Variants in FAM135B observed in about 807,000 individuals in gnomAD.
FAM135B encodes the protein family with sequence similarity 135 member B.
Under a neutral mutation model 127.7 loss-of-function variants are expected in FAM135B, and 43 were observed. The observed-to-expected ratio is 0.34, with a 90% CI of 0.26 to 0.43. The LOEUF (loss-of-function observed/expected upper bound fraction) is 0.43, where lower values mean the gene tolerates loss of function less well. Among genes scored for constraint, FAM135B ranks in the 20% least tolerant of loss-of-function variants. The probability of loss-of-function intolerance (pLI) is 1.00; values close to 1 mark genes in which losing one functional copy is unlikely to be tolerated. For missense variants in FAM135B, 1,558 were observed against 1,725.6 expected, an observed-to-expected ratio of 0.90 and a Z score of 1.72; for synonymous variants, 670 against 665.1, an observed-to-expected ratio of 1.01 and a Z score of -0.11.
intron 1 of FAM135B, among the ~76,000 whole-genome samples, chr8:138,428,712 G>A (rs1835035112): frequency 6.6e-6 from 1 of 152,122 alleles, no homozygotes; most frequent in Non-Finnish European, 1.5e-5. Context: ...ACATGTTCAT[G>A]AGTCTTAGTA....
rs528736762 is a variant in FAM135B, at chr8:138,324,796, G to A, written c.78-13876C>T. 5.9e-5 allele frequency among the ~76,000 whole-genome samples: 9 copies of A among 152,306 alleles called. No homozygotes were observed. In the South Asian group the frequency reaches 1.7e-3, roughly 28 times the overall value. ...CCCAAGAAATCTGATTTGTGAGTGT[G>A]TGCTCGTAACGACTATACAATACAC... On this transcript the variant is annotated intron_variant, in intron 2 of 19. Coordinates refer to ENST00000395297, the MANE Select transcript of FAM135B (RefSeq NM_015912.4).
At chr8:138,322,855 G>A (rs1440471132) in intron 2 of FAM135B, among the ~76,000 whole-genome samples, 2 of 152,184 alleles carry the variant, frequency 1.3e-5, no homozygotes, top group Non-Finnish European at 2.9e-5. Context: ...ACACTGTGAT[G>A]CGGAGGTGAA....
At chr8:138,174,283 C>T (rs1194745971) in intron 11 of FAM135B, among the ~76,000 whole-genome samples, 1 of 152,220 alleles carries the variant, frequency 6.6e-6, no homozygotes, top group Non-Finnish European at 1.5e-5. Context: ...CCTGTGCCGT[C>T]ACCTACATTG....
rs368627793 is a variant in FAM135B, at chr8:138,294,268, T to TA, written c.157+16572dup. ...GAGGAGAGTGGAAGGGGGTGAAAGA[T>TA]AAAAAATTGCACGCTGGGTACCATG... On this transcript the variant is annotated intron_variant, in intron 3 of 19. Transcript: ENST00000395297. 8.7e-4 allele frequency among the ~76,000 whole-genome samples: 132 copies of TA among 152,134 alleles called. No homozygotes were observed. The Middle Eastern group carries it at 0.01, about 12-fold the overall frequency.
intron 6 of FAM135B, 72 bp downstream of exon 6, chr8:138,250,769 C>T (rs1368216845): frequency 1.3e-6 from 2 of 1,551,930 alleles, no homozygotes; most frequent in Non-Finnish European, 1.8e-6. Context: ...TCCTGGAAAA[C>T]TCCCTGCCCC....
chr8:138,180,250 G>A (rs1462050568), intron 9 of FAM135B, among the ~76,000 whole-genome samples: 1 of 152,144 alleles, frequency 6.6e-6, no homozygotes, highest in Admixed American at 6.5e-5. Context: ...TTAATCCCAG[G>A]CACATGTTTA....
intron 2 of FAM135B, among the ~76,000 whole-genome samples, chr8:138,336,880 C>T (rs1398264187): frequency 6.6e-6 from 1 of 152,156 alleles, no homozygotes; most frequent in African/African-American, 2.4e-5. Context: ...CAAACCGAAT[C>T]CAGCAGCACA....
At chr8:138,363,556 G>A (rs1230670053) in intron 2 of FAM135B, among the ~76,000 whole-genome samples, 1 of 152,142 alleles carries the variant, frequency 6.6e-6, no homozygotes. Flanking sequence ...CTGGTTTGAG[G>A]AAAAGTTTTC....
At position 138,243,671 on chromosome 8, in the gene FAM135B, A is replaced by G. The variant is rs1821045168; in HGVS notation, c.543-603T>C. Among the ~76,000 whole-genome samples the G allele has an allele frequency of 6.6e-6, 1 of 152,232 alleles. No individual in the cohort carries two copies. Among genetic ancestry groups the G allele is most frequent in the South Asian group, 2.1e-4 (1 of 4,832 alleles). On this transcript the variant is annotated intron_variant, in intron 6 of 19. Coordinates refer to ENST00000395297, the MANE Select transcript of FAM135B (RefSeq NM_015912.4). The surrounding 1 kb of genome is among the most constrained non-coding windows in gnomAD (Gnocchi z 7.5). Reference sequence around the variant, plus strand: ...CTGCAATCCAAAGATTAATGGACATATTGTGATGGCAATGATCAATTTCAG... The same window carrying G: ...CTGCAATCCAAAGATTAATGGACATGTTGTGATGGCAATGATCAATTTCAG...
intron 1 of FAM135B, among the ~76,000 whole-genome samples, chr8:138,394,164 T>C (rs551638269): frequency 6.6e-6 from 1 of 152,292 alleles, no homozygotes; most frequent in Non-Finnish European, 1.5e-5. Flanking sequence ...CTAGGGGACA[T>C]ACCCTCATAT....
chr8:138,148,766 A>G, intron 13 of FAM135B, 80 bp from the exon 14 acceptor site: 1 of 1,097,128 alleles, frequency 9.1e-7, no homozygotes, highest in Non-Finnish European at 1.3e-6. Flanking sequence ...GGTATGTAGA[A>G]GGGCTGAGCA....
chr8:138,335,488 C>A (rs1366699583), intron 2 of FAM135B, among the ~76,000 whole-genome samples: 2 of 152,074 alleles, frequency 1.3e-5, no homozygotes, highest in Non-Finnish European at 2.9e-5. Flanking sequence ...TTTAAACCAA[C>A]AAAGATCAAA....
At chr8:138,280,450 A>G (rs1824176505) in intron 3 of FAM135B, among the ~76,000 whole-genome samples, 2 of 152,294 alleles carry the variant, frequency 1.3e-5, no homozygotes, top group Non-Finnish European at 1.5e-5. Flanking sequence ...CCAGGGCCAC[A>G]ATCGGCTGGC....
intron 2 of FAM135B, among the ~76,000 whole-genome samples, chr8:138,352,461 A>G (rs1175721986): frequency 6.6e-6 from 1 of 152,210 alleles, no homozygotes; most frequent in Non-Finnish European, 1.5e-5. Flanking sequence ...TCTTATGACT[A>G]GCTTCTGTTT....
chr8:138,403,212 CT>C (rs752175139), intron 1 of FAM135B, among the ~76,000 whole-genome samples: 1 of 152,304 alleles, frequency 6.6e-6, no homozygotes, highest in Non-Finnish European at 1.5e-5. Flanking sequence ...GAGACAACTC[CT>C]TACCAGTTCC....
At position 138,221,106 on chromosome 8, in the gene FAM135B, G is replaced by T. The variant is rs563998707; in HGVS notation, c.669+21836C>A. Among the ~76,000 whole-genome samples the T allele has an allele frequency of 5.3e-5, 8 of 152,254 alleles. No homozygotes were observed. In the East Asian group the frequency reaches 1.5e-3, roughly 29 times the overall value. ...TGACTCTTTGTATTAGTCTTTTCTT[G>T]CATTGCTAGAAAGAAATGCCTGAGA... On this transcript the variant is annotated intron_variant, in intron 7 of 19. Coordinates refer to ENST00000395297, the MANE Select transcript of FAM135B (RefSeq NM_015912.4).
chr8:138,336,352 A>G (rs556806816), intron 2 of FAM135B, among the ~76,000 whole-genome samples: 6 of 152,280 alleles, frequency 3.9e-5, no homozygotes, highest in African/African-American at 1.2e-4. Flanking sequence ...AAATTGATAG[A>G]CCTCTAGCAA....
chr8:138,167,798 G>T, intron 12 of FAM135B, 97 bp downstream of exon 12: 1 of 1,329,060 alleles, frequency 7.5e-7, no homozygotes, highest in Non-Finnish European at 1.0e-6. Context: ...TCATTAATTT[G>T]GTCTCACTTT....
intron 2 of FAM135B, among the ~76,000 whole-genome samples, chr8:138,346,851 A>G (rs1013328228): frequency 2.0e-5 from 3 of 152,216 alleles, no homozygotes; most frequent in African/African-American, 7.2e-5. Flanking sequence ...ATAAAAAATT[A>G]TATCATGTGA....
Sources: gnomAD v4.1 joint callset for allele counts (sites outside exome capture counted in the v4.1 genomes callset) on GRCh38, gnomAD v4.1.1 for gene constraint, Gnocchi (gnomAD v3.1) non-coding constraint, MANE v1.5 for transcripts, NCBI Gene and HGNC (gene_info 2026-07-23, HGNC 2026-07-21) for gene names.